CNTNAP5: variants seen among roughly 807,000 people sequenced by gnomAD.
The protein encoded by CNTNAP5 is contactin-associated protein-like 5.
A neutral mutation model predicts 150.2 loss-of-function variants in CNTNAP5; 72 were observed. The observed-to-expected ratio is 0.48, with a 90% CI of 0.40 to 0.58. The LOEUF is 0.58. CNTNAP5 is among the 20% of genes least tolerant of loss of function. The pLI is 0.00. For missense variants in CNTNAP5, 1,636 were observed against 1,626.2 expected (o/e 1.01, Z -0.10); for synonymous variants, 672 against 619.8 (o/e 1.08, Z -1.25).
intron 3 of CNTNAP5, among the ~76,000 whole-genome samples, chr2:124,270,474 G>A (rs1687719594): frequency 1.3e-5 from 2 of 152,184 alleles, no homozygotes; most frequent in Non-Finnish European, 2.9e-5. Flanking sequence ...AAAGCTCCTA[G>A]GTCAGGGGCT....
intron 13 of CNTNAP5, among the ~76,000 whole-genome samples, chr2:124,729,941 T>G (rs1247514318): frequency 1.3e-5 from 2 of 152,096 alleles, no homozygotes; most frequent in Non-Finnish European, 2.9e-5. Flanking sequence ...AAAGGCCCTT[T>G]AATTGACTTG....
intron 4 of CNTNAP5, among the ~76,000 whole-genome samples, chr2:124,432,940 C>A (rs1473437323): frequency 6.6e-6 from 1 of 152,208 alleles, no homozygotes; most frequent in South Asian, 2.1e-4. Context: ...ATGTGCCATG[C>A]ACAATGAGTT....
At chr2:124,154,901 T>A (rs1458322994) in intron 1 of CNTNAP5, among the ~76,000 whole-genome samples, 4 of 152,088 alleles carry the variant, frequency 2.6e-5, no homozygotes, top group Non-Finnish European at 4.4e-5. Flanking sequence ...GGTCCAAGCA[T>A]CAGAATTTTT....
intron 1 of CNTNAP5, among the ~76,000 whole-genome samples, chr2:124,205,629 G>A (rs991538746): frequency 6.6e-6 from 1 of 152,068 alleles, no homozygotes; most frequent in East Asian, 1.9e-4. Flanking sequence ...ATGTTGGCCA[G>A]CTTGTCTTGT....
chr2:124,130,489 A>T (rs1344034528), intron 1 of CNTNAP5, among the ~76,000 whole-genome samples: 1 of 151,972 alleles, frequency 6.6e-6, no homozygotes, highest in East Asian at 1.9e-4. Context: ...TGACCATACA[A>T]CTTTTGAGAG....
rs188068146 is a variant in CNTNAP5 at position 124,611,927 on chromosome 2, T to A, written c.1876+2007T>A. On this transcript the variant is annotated intron_variant, in intron 12 of 23. Coordinates refer to ENST00000682447, the MANE Select transcript of CNTNAP5 (RefSeq NM_001367498.1). Reference sequence around the variant, plus strand: ...AAAAATCAGAGGCAGACATTTTTTTTATCTCCATCTAACGTAGAAGGGAAG... The same window carrying A: ...AAAAATCAGAGGCAGACATTTTTTTAATCTCCATCTAACGTAGAAGGGAAG... Among the ~76,000 whole-genome samples, 23 of 152,356 alleles carry A rather than the reference T, an allele frequency of 1.5e-4. No homozygotes were observed. In the East Asian group the frequency reaches 4.2e-3, roughly 28 times the overall value.
chr2:124,447,155 G>T (rs1298193962), intron 6 of CNTNAP5, among the ~76,000 whole-genome samples: 1 of 151,244 alleles, frequency 6.6e-6, no homozygotes, highest in Admixed American at 6.6e-5. Flanking sequence ...CAAGATAGCA[G>T]CTCTGTGCAT....
At chr2:124,053,110 C>G (rs1000913809) in intron 1 of CNTNAP5, among the ~76,000 whole-genome samples, 1 of 146,666 alleles carries the variant, frequency 6.8e-6, no homozygotes, top group African/African-American at 2.5e-5. Context: ...TATTATTCAT[C>G]AGCAAATGCC....
rs967979666 is a variant in CNTNAP5, at chr2:124,613,962, G to A, written c.1876+4042G>A. Reference sequence around the variant, plus strand: ...ACCACAGGGCTATCAGATGGGAGACGGGGAGAGCACAATTTTTGGTTGGAG... The same window carrying A: ...ACCACAGGGCTATCAGATGGGAGACAGGGAGAGCACAATTTTTGGTTGGAG... On this transcript the variant is annotated intron_variant, in intron 12 of 23. Transcript: ENST00000682447. Among the ~76,000 whole-genome samples the A allele has an allele frequency of 3.9e-5, 6 of 152,276 alleles. No individual in the cohort carries two copies. In the East Asian group the frequency reaches 7.7e-4, roughly 20 times the overall value.
At chr2:124,706,904 G>GAGAAGAGGAAGAGGAGGAAGA (rs1558743250) in intron 13 of CNTNAP5, among the ~76,000 whole-genome samples, 11 of 5,348 alleles carry the variant, frequency 2.1e-3, no homozygotes, top group Non-Finnish European at 3.2e-3. Flanking sequence ...GAAGAAGAAG[G>GAGAAGAGGAAGAGGAGGAAGA]AGGAGGAGGA....
chr2:124,152,895 G>A (rs1305112386), intron 1 of CNTNAP5, among the ~76,000 whole-genome samples: 1 of 152,164 alleles, frequency 6.6e-6, no homozygotes, highest in East Asian at 1.9e-4. Flanking sequence ...ACAGGCAAAT[G>A]AAAATCATCC....
At chr2:124,503,403 G>C (rs1694321668) in intron 7 of CNTNAP5, among the ~76,000 whole-genome samples, 1 of 152,202 alleles carries the variant, frequency 6.6e-6, no homozygotes, top group Non-Finnish European at 1.5e-5. Context: ...TCTGTGGAAA[G>C]TTAAATTCAG....
At chr2:124,114,195 A>G (rs550526884) in intron 1 of CNTNAP5, among the ~76,000 whole-genome samples, 38 of 152,188 alleles carry the variant, frequency 2.5e-4, no homozygotes, top group African/African-American at 9.1e-4. Flanking sequence ...TCAGTAGATC[A>G]GGATTAGTTC....
chr2:124,683,685 A>G (rs184778825), intron 13 of CNTNAP5, among the ~76,000 whole-genome samples: 2 of 152,296 alleles, frequency 1.3e-5, no homozygotes, highest in Admixed American at 1.3e-4. Context: ...GTTAATCACT[A>G]GAAACAAGGG....
intron 3 of CNTNAP5, among the ~76,000 whole-genome samples, chr2:124,308,406 C>G (rs182988587): frequency 6.6e-6 from 1 of 152,280 alleles, no homozygotes; most frequent in East Asian, 1.9e-4. Context: ...TCCTTTGGCA[C>G]AATCAGCCAA....
intron 3 of CNTNAP5, among the ~76,000 whole-genome samples, chr2:124,273,471 A>T (rs1197976686): frequency 1.3e-5 from 2 of 152,094 alleles, no homozygotes; most frequent in African/African-American, 2.4e-5. Flanking sequence ...AGTTTTTCTC[A>T]GCTGCTGTCA....
intron 11 of CNTNAP5, among the ~76,000 whole-genome samples, chr2:124,567,097 C>T (rs1230938248): frequency 6.6e-6 from 1 of 152,106 alleles, no homozygotes; most frequent in Non-Finnish European, 1.5e-5. Context: ...ACAGTCTTTT[C>T]CCCCTCATTG....
At chr2:124,533,822 G>T (rs1399446158) in intron 10 of CNTNAP5, among the ~76,000 whole-genome samples, 1 of 152,192 alleles carries the variant, frequency 6.6e-6, no homozygotes, top group Non-Finnish European at 1.5e-5. Flanking sequence ...TATTTCGGCT[G>T]GAGGAAAGTG....
chr2:124,425,759 A>C (rs1483789363), intron 4 of CNTNAP5, among the ~76,000 whole-genome samples: 1 of 152,132 alleles, frequency 6.6e-6, no homozygotes, highest in Non-Finnish European at 1.5e-5. Context: ...ATAGTGATGC[A>C]TTTGCTATGT....
Sources: allele counts gnomAD v4.1 joint callset (sites outside exome capture counted in the v4.1 genomes callset), GRCh38; gene constraint gnomAD v4.1.1; transcripts MANE v1.5; gene names NCBI Gene and HGNC (gene_info 2026-07-23, HGNC 2026-07-21).